Variants in MARCHF1 observed in about 807,000 individuals in gnomAD.
The protein encoded by MARCHF1 is membrane associated ring-CH-type finger 1.
A neutral mutation model predicts 54.2 loss-of-function variants in MARCHF1; 40 were observed. That is an observed-to-expected ratio of 0.74 (90% CI 0.57 to 0.96). The LOEUF is 0.96. MARCHF1 is among the 40% of genes least tolerant of loss of function. MARCHF1 has a pLI of 0.00. For missense variants in MARCHF1, 586 were observed against 656.5 expected (o/e 0.89, Z 1.17); for synonymous variants, 236 against 236.3 (o/e 1.00, Z 0.01).
intron 7 of MARCHF1, among the ~76,000 whole-genome samples, chr4:163,602,098 T>C (rs1272142192): frequency 6.6e-6 from 1 of 152,014 alleles, no homozygotes; most frequent in Non-Finnish European, 1.5e-5. Context: ...TTATTTTTTA[T>C]AAGGTGTGTG....
chr4:163,538,932 A>G (rs1170471398), intron 9 of MARCHF1, among the ~76,000 whole-genome samples: 1 of 152,192 alleles, frequency 6.6e-6, no homozygotes, highest in East Asian at 1.9e-4. Flanking sequence ...CAATAGGACA[A>G]TAGGAAACAC....
chr4:163,641,298 A>G (rs1306403258), intron 5 of MARCHF1, among the ~76,000 whole-genome samples: 1 of 152,176 alleles, frequency 6.6e-6, no homozygotes, highest in South Asian at 2.1e-4. Flanking sequence ...GAAATCAAAT[A>G]AGAATACTAT....
intron 5 of MARCHF1, among the ~76,000 whole-genome samples, chr4:163,673,611 T>C (rs1029744295): frequency 6.6e-6 from 1 of 152,136 alleles, no homozygotes; most frequent in Admixed American, 6.5e-5. Context: ...AGGTGAGATG[T>C]TGTAACATCT....
intron 2 of MARCHF1, among the ~76,000 whole-genome samples, chr4:164,074,818 A>G (rs553179361): frequency 1.4e-3 from 215 of 151,802 alleles, no homozygotes; most frequent in South Asian, 3.9e-3. Flanking sequence ...TTCATTTTGT[A>G]AATATACATA....
chr4:164,279,110 G>GA (rs1001794695), intron 1 of MARCHF1, among the ~76,000 whole-genome samples: 67 of 140,964 alleles, frequency 4.8e-4, no homozygotes, highest in African/African-American at 1.2e-3. Context: ...TCTTAGGTCA[G>GA]AAAAAAAAAA....
At chr4:163,953,448 C>T (rs528030510) in intron 3 of MARCHF1, among the ~76,000 whole-genome samples, 1 of 152,234 alleles carries the variant, frequency 6.6e-6, no homozygotes, top group East Asian at 1.9e-4. Context: ...ATGCTGAACA[C>T]ATAGTAGTTT....
chr4:163,920,692 TGACAGA>T (rs1206244517), intron 3 of MARCHF1, among the ~76,000 whole-genome samples: 12 of 152,160 alleles, frequency 7.9e-5, no homozygotes, highest in Non-Finnish European at 1.6e-4. Context: ...CAGGATGGAC[TGACAGA>T]GACAGATGGG....
At chr4:163,991,165 G>A (rs551971767) in intron 2 of MARCHF1, among the ~76,000 whole-genome samples, 3 of 152,174 alleles carry the variant, frequency 2.0e-5, no homozygotes, top group East Asian at 1.9e-4. Context: ...ATTTTACATG[G>A]TAAACAAGAA....
chr4:163,538,188 A>C (rs1345178134), intron 9 of MARCHF1, among the ~76,000 whole-genome samples: 1 of 152,244 alleles, frequency 6.6e-6, no homozygotes, highest in Admixed American at 6.5e-5. Context: ...TTCACAGCTC[A>C]TTCTAGACTC....
At chr4:164,084,696 AT>A (rs1417306801) in intron 2 of MARCHF1, among the ~76,000 whole-genome samples, 2 of 148,416 alleles carry the variant, frequency 1.3e-5, no homozygotes, top group African/African-American at 4.9e-5. Flanking sequence ...GACTTCCAAA[AT>A]TCAACTAAGA....
intron 1 of MARCHF1, among the ~76,000 whole-genome samples, chr4:164,297,035 C>T (rs1474042244): frequency 6.6e-6 from 1 of 152,028 alleles, no homozygotes; most frequent in Admixed American, 6.5e-5. Context: ...AGTTTCCATA[C>T]CGTTAAAATA....
intron 1 of MARCHF1, among the ~76,000 whole-genome samples, chr4:164,183,945 G>A (rs113881573): frequency 0.012 from 1,823 of 152,282 alleles, 38 homozygotes; most frequent in East Asian, 0.091. Context: ...GAAGGAGGAA[G>A]CAGAGGAAAG....
intron 4 of MARCHF1, among the ~76,000 whole-genome samples, chr4:163,850,868 G>T (rs1749622038): frequency 6.6e-6 from 1 of 152,126 alleles, no homozygotes; most frequent in African/African-American, 2.4e-5. Flanking sequence ...CTAGTGTGAA[G>T]GCAGATACGT....
At chr4:164,177,110 T>G (rs1230972467) in intron 1 of MARCHF1, among the ~76,000 whole-genome samples, 3 of 150,658 alleles carry the variant, frequency 2.0e-5, no homozygotes, top group African/African-American at 7.3e-5. Flanking sequence ...ATATAGCCCT[T>G]AATAGTTTCA....
At chr4:164,325,741 T>A (rs910251110) in intron 1 of MARCHF1, among the ~76,000 whole-genome samples, 2 of 151,202 alleles carry the variant, frequency 1.3e-5, no homozygotes, top group Non-Finnish European at 3.0e-5. Flanking sequence ...AAAATAAAAA[T>A]AAAAAAGACC....
At position 163,643,327 on chromosome 4, in the gene MARCHF1, CAAAAATAAAAAT is replaced by C. The variant is rs58924723; in HGVS notation, c.163-29946_163-29935del. Among the ~76,000 whole-genome samples, 7 of 138,104 alleles carry C rather than the reference CAAAAATAAAAAT, an allele frequency of 5.1e-5. No homozygotes were observed. In the East Asian group the frequency reaches 6.4e-4, roughly 13 times the overall value. 90.6% of individuals were successfully genotyped at this position (138,104 alleles called of 152,430 possible). On this transcript the variant is annotated intron_variant, in intron 5 of 9. Coordinates refer to ENST00000514618, the MANE Select transcript of MARCHF1 (RefSeq NM_001394959.1). ...TGAGTGACAGAGTGAGACCCTGTCT[CAAAAATAAAAAT>C]AAAAATAAAAATAAAAATAAATTCA...
chr4:164,197,349 T>A (rs367682097), intron 1 of MARCHF1: 3 of 1,612,594 alleles, frequency 1.9e-6, no homozygotes, highest in African/African-American at 2.7e-5. Context: ...TCAGGTTGGT[T>A]ACCTCGCAAT....
intron 5 of MARCHF1, among the ~76,000 whole-genome samples, chr4:163,651,919 T>C (rs1337447482): frequency 6.6e-6 from 1 of 151,736 alleles, no homozygotes; most frequent in Non-Finnish European, 1.5e-5. Flanking sequence ...TGGCCTTTCA[T>C]TGTGGCCCAC....
chr4:164,075,383 G>A (rs1252382649), intron 2 of MARCHF1, among the ~76,000 whole-genome samples: 2 of 152,124 alleles, frequency 1.3e-5, no homozygotes, highest in African/African-American at 4.8e-5. Context: ...TATCTTGAAG[G>A]GTACTTGAAT....
Sources: allele counts gnomAD v4.1 joint callset (sites outside exome capture counted in the v4.1 genomes callset), GRCh38; gene constraint gnomAD v4.1.1; transcripts MANE v1.5; gene names NCBI Gene and HGNC (gene_info 2026-07-23, HGNC 2026-07-21).